Variants in RAB11FIP4 observed in about 807,000 individuals in gnomAD.
The protein encoded by RAB11FIP4 is rab11 family-interacting protein 4.
A neutral mutation model predicts 74.3 loss-of-function variants in RAB11FIP4; 23 were observed. That is an observed-to-expected ratio of 0.31 (90% confidence interval 0.22 to 0.44). The LOEUF is 0.44. Among genes scored for constraint, RAB11FIP4 ranks in the 20% least tolerant of loss-of-function variants. RAB11FIP4 has a pLI of 1.00. For missense variants in RAB11FIP4, 630 were observed against 863.9 expected, an observed-to-expected ratio of 0.73 and a Z score of 3.39; for synonymous variants, 360 against 359.9, an observed-to-expected ratio of 1.00 and a Z score of 0.00.
chr17:31,518,926 G>A (rs1220165968), intron 4 of RAB11FIP4, among the ~76,000 whole-genome samples: 2 of 151,746 alleles, frequency 1.3e-5, no homozygotes, highest in Non-Finnish European at 2.9e-5. Context: ...TCCGCCTCCC[G>A]GGTTCAAGCG....
intron 1 of RAB11FIP4, among the ~76,000 whole-genome samples, chr17:31,412,045 C>T (rs1186370964): frequency 6.6e-6 from 1 of 152,216 alleles, no homozygotes; most frequent in Non-Finnish European, 1.5e-5. Context: ...AGTTCAATCA[C>T]CTGGGGAGCA....
chr17:31,434,603 GC>G (rs1254151253), intron 3 of RAB11FIP4, among the ~76,000 whole-genome samples: 1 of 152,132 alleles, frequency 6.6e-6, no homozygotes, highest in Non-Finnish European at 1.5e-5. Context: ...CCATGAGACT[GC>G]CCCACCTCCC....
At position 31,499,505 on chromosome 17, in the gene RAB11FIP4, G is replaced by A. The variant is rs201659995; in HGVS notation, c.337-18146G>A. Reference sequence around the variant, plus strand: ...CGAGTAGCTGGGATTACAGGCACGTGCCACCGTGTCCAGCTAATTTTTGTA... The same window carrying A: ...CGAGTAGCTGGGATTACAGGCACGTACCACCGTGTCCAGCTAATTTTTGTA... On this transcript the variant is annotated intron_variant, in intron 3 of 14. Coordinates refer to ENST00000621161, the MANE Select transcript of RAB11FIP4 (RefSeq NM_032932.6). 1.3e-4 allele frequency among the ~76,000 whole-genome samples: 20 copies of A among 152,210 alleles called. No homozygotes were observed. In the East Asian group the frequency reaches 3.5e-3, roughly 26 times the overall value.
intron 3 of RAB11FIP4, among the ~76,000 whole-genome samples, chr17:31,466,458 G>A (rs544981503): frequency 1.4e-4 from 22 of 152,242 alleles, no homozygotes; most frequent in African/African-American, 4.3e-4. Flanking sequence ...AGTGTCTATC[G>A]CATAGTTATG....
intron 3 of RAB11FIP4, among the ~76,000 whole-genome samples, chr17:31,471,265 G>A (rs9893079): frequency 0.26 from 39,074 of 147,736 alleles, 7,222 homozygotes; most frequent in African/African-American, 0.53. Flanking sequence ...AGATCTTACT[G>A]TGTTGTCAAG....
intron 1 of RAB11FIP4, among the ~76,000 whole-genome samples, chr17:31,402,846 C>T (rs368394304): frequency 5.3e-4 from 80 of 151,826 alleles, no homozygotes; most frequent in Middle Eastern, 3.4e-3. Context: ...AGGATGGTCT[C>T]GATCTCCTGA....
At chr17:31,498,000 G>T (rs1396482018) in intron 3 of RAB11FIP4, among the ~76,000 whole-genome samples, 1 of 152,134 alleles carries the variant, frequency 6.6e-6, no homozygotes, top group Non-Finnish European at 1.5e-5. Context: ...GCATTGGGGT[G>T]GGTAAAGGTG....
chr17:31,480,234 A>T (rs2071833162), intron 3 of RAB11FIP4, among the ~76,000 whole-genome samples: 2 of 151,958 alleles, frequency 1.3e-5, no homozygotes, highest in Non-Finnish European at 2.9e-5. Flanking sequence ...TTACTGCCTC[A>T]CTCAGGCCCC....
At chr17:31,403,731 C>A (rs1489263033) in intron 1 of RAB11FIP4, among the ~76,000 whole-genome samples, 1 of 152,186 alleles carries the variant, frequency 6.6e-6, no homozygotes, top group East Asian at 1.9e-4. Context: ...GGATTAGAAC[C>A]CAGGTCTGTC....
At chr17:31,493,510 T>G (rs1334235463) in intron 3 of RAB11FIP4, among the ~76,000 whole-genome samples, 1 of 152,078 alleles carries the variant, frequency 6.6e-6, no homozygotes, top group Non-Finnish European at 1.5e-5. Context: ...GTCTACCCTC[T>G]GCACCAGACT....
chr17:31,432,169 C>A (rs2071316688), intron 2 of RAB11FIP4, among the ~76,000 whole-genome samples: 1 of 152,098 alleles, frequency 6.6e-6, no homozygotes, highest in Non-Finnish European at 1.5e-5. Flanking sequence ...TCCTTCCCTG[C>A]TTTTCTGTCC....
At position 31,517,758 on chromosome 17, in the gene RAB11FIP4, G is replaced by T; in HGVS notation, c.444G>T (p.Glu148Asp). Reference sequence around the variant, plus strand: ...AGGCTATGACGCTGGCGCCACCTGAGGGCCCCCAGGAGTTGTACACAGACA... The same window carrying T: ...AGGCTATGACGCTGGCGCCACCTGATGGCCCCCAGGAGTTGTACACAGACA... ...EEEAMTLAPP[E>D]GPQELYTDSP... The change falls in exon 4 of 15, where the codon GAG becomes GAT. Residue 148 changes from glutamate (E) to aspartate (D), a missense_variant. By Grantham distance (45) the Glu-to-Asp change is conservative. Coordinates refer to ENST00000621161, the MANE Select transcript of RAB11FIP4 (RefSeq NM_032932.6). 1 of 1,575,206 alleles carries T rather than the reference G, an allele frequency of 6.3e-7. No individual in the cohort carries two copies. Among genetic ancestry groups the T allele is most frequent in the East Asian group, 2.3e-5 (1 of 43,478 alleles).
chr17:31,405,733 T>C (rs1183638460), intron 1 of RAB11FIP4, among the ~76,000 whole-genome samples: 1 of 152,246 alleles, frequency 6.6e-6, no homozygotes, highest in Non-Finnish European at 1.5e-5. Flanking sequence ...ACTTAGTTTT[T>C]CTTAGTTTTC....
intron 1 of RAB11FIP4, among the ~76,000 whole-genome samples, chr17:31,415,390 A>T (rs1212543626): frequency 6.6e-6 from 1 of 152,058 alleles, no homozygotes; most frequent in Non-Finnish European, 1.5e-5. Flanking sequence ...CTCGGAAGAG[A>T]GGTTGAGTAA....
In RAB11FIP4 at chr17:31,530,337, G is replaced by A. The variant is rs775247253; in HGVS notation, c.1665G>A (p.Lys555=). Residue 555 remains lysine (K), a synonymous_variant, in exon 14 of 15, where the codon AAG becomes AAA. Transcript: ENST00000621161. ...EVKRLKQENY[K]LRDQNDDLNG... is the part of the protein sequence containing the mutation. ...CCTTCTCTCTGTAGGAGAATTATAA[G>A]CTGCGGGATCAGAACGACGACTTGA... 9.3e-6 allele frequency: 15 copies of A among 1,614,152 alleles called. No homozygotes were observed. The East Asian group carries it at 2.7e-4, about 29-fold the overall frequency.
chr17:31,525,362 A>C (rs2072747369), intron 10 of RAB11FIP4, 132 bp downstream of exon 10: 1 of 849,304 alleles, frequency 1.2e-6, no homozygotes. Flanking sequence ...ACTTTCCAGT[A>C]GTAACAGTTC....
chr17:31,425,652 A>G (rs1443907743), intron 1 of RAB11FIP4, among the ~76,000 whole-genome samples: 2 of 152,364 alleles, frequency 1.3e-5, no homozygotes, highest in East Asian at 3.9e-4. Flanking sequence ...GAGTGGCCCC[A>G]AAAAGGAAAG....
intron 1 of RAB11FIP4, among the ~76,000 whole-genome samples, chr17:31,413,934 G>A (rs867323217): frequency 3.9e-5 from 6 of 152,206 alleles, no homozygotes; most frequent in African/African-American, 9.7e-5. Context: ...GAGGTGCAAC[G>A]ACTGGCTGTC....
At chr17:31,421,626 G>A (rs12950404) in intron 1 of RAB11FIP4, among the ~76,000 whole-genome samples, 97,273 of 149,058 alleles carry the variant, frequency 0.65, 34,950 homozygotes, top group Non-Finnish European at 0.8. Flanking sequence ...GCGCAATCTC[G>A]GCTCACTGCA....
Sources: gnomAD v4.1 joint callset for allele counts (sites outside exome capture counted in the v4.1 genomes callset) on GRCh38, gnomAD v4.1.1 for gene constraint, MANE v1.5 for transcripts, NCBI Gene and HGNC (gene_info 2026-07-23, HGNC 2026-07-21) for gene names.